Variants in ZHX3 observed in about 807,000 individuals in gnomAD.
The protein encoded by ZHX3 is zinc fingers and homeoboxes 3.
A neutral mutation model predicts 64.5 loss-of-function variants in ZHX3; 20 were observed. That is an observed-to-expected ratio of 0.31 (90% CI 0.22 to 0.45). The LOEUF (loss-of-function observed/expected upper bound fraction) is 0.45. ZHX3 is among the 20% of genes least tolerant of loss of function. ZHX3 has a pLI of 1.00. For synonymous variants in ZHX3, 423 were observed against 461.6 expected (o/e 0.92, Z 1.07); for missense variants, 1,041 against 1,195.8 (o/e 0.87, Z 1.91).
In ZHX3 at chr20:41,204,164, A is replaced by C. The variant is rs748502762; in HGVS notation, c.753T>G (p.His251Gln). The C allele has an allele frequency of 1.2e-6, 2 of 1,608,656 alleles. No homozygotes were observed. The highest frequency in any genetic ancestry group is 2.2e-5 in the East Asian group (1 of 44,826). The change falls in exon 3 of 4, where the codon CAT (histidine) becomes CAG (glutamine). Residue 251 changes from histidine to glutamine, a missense_variant. This residue lies in a region of ZHX3 where 358 missense variants were observed against 369.1 expected (regional missense o/e 0.97). Transcript: ENST00000683867. This position sits in a 1 kb window ranked among gnomAD's most constrained non-coding sequence, Gnocchi z 6.6. ...QASASSAKNP[H>Q]AANGPLIGTV... ...TTCCTATCAGGGGCCCGTTGGCGGCATGGGGGTTTTTTGCAGAGCTGGCAG... is the reference window on the plus strand; with the variant it reads ...TTCCTATCAGGGGCCCGTTGGCGGCCTGGGGGTTTTTTGCAGAGCTGGCAG...
At chr20:41,304,129 C>T (rs2044904885) in intron 1 of ZHX3, among the ~76,000 whole-genome samples, 1 of 152,206 alleles carries the variant, frequency 6.6e-6, no homozygotes. Flanking sequence ...GATCTTCCCC[C>T]TGTCTGTCTA....
intron 2 of ZHX3, among the ~76,000 whole-genome samples, chr20:41,257,818 A>G (rs1478609316): frequency 4.1e-5 from 6 of 145,260 alleles, no homozygotes; most frequent in Non-Finnish European, 8.9e-5. Context: ...TCACCATGCT[A>G]GCCAGGCTGG....
rs1472129363 is a variant in ZHX3 at position 41,180,305 on chromosome 20, A to G, written c.*4886T>C. Reference sequence around the variant, plus strand: ...TACCTATATGTTCTTTATCATCCTCAAAGTCCTGCGAACCCAAAGATAGAA... The same window carrying G: ...TACCTATATGTTCTTTATCATCCTCGAAGTCCTGCGAACCCAAAGATAGAA... On this transcript the variant is annotated 3_prime_UTR_variant, in exon 4 of 4. Coordinates refer to ENST00000683867, the MANE Select transcript of ZHX3 (RefSeq NM_001384317.1). 8 of 152,660 alleles carry G rather than the reference A, an allele frequency of 5.2e-5. No individual in the cohort carries two copies. Among genetic ancestry groups the G allele is most frequent in the African/African-American group, 1.9e-4 (8 of 41,454 alleles). The allele number at this position is 152,660 out of a possible 1,614,324, so 9.5% of individuals were successfully genotyped here. A position where few individuals can be genotyped will look rare whatever the true frequency, so the allele number is the denominator to read the frequency against.
chr20:41,210,376 T>C (rs2039065238), intron 2 of ZHX3, among the ~76,000 whole-genome samples: 1 of 152,226 alleles, frequency 6.6e-6, no homozygotes, highest in African/African-American at 2.4e-5. Flanking sequence ...TAAATCATGC[T>C]GCTATAAAGA....
intron 2 of ZHX3, among the ~76,000 whole-genome samples, chr20:41,214,058 G>C (rs538564711): frequency 6.6e-6 from 1 of 152,180 alleles, no homozygotes; most frequent in East Asian, 1.9e-4. Context: ...CAGGATGACA[G>C]AGCATGACCT....
At chr20:41,248,871 C>T (rs758607987) in intron 2 of ZHX3, among the ~76,000 whole-genome samples, 3 of 152,136 alleles carry the variant, frequency 2.0e-5, no homozygotes, top group Non-Finnish European at 4.4e-5. Flanking sequence ...TCCCCCCTGA[C>T]AGTGTTTTTG....
Position 41,202,320 on chromosome 20 carries a change from T to A in ZHX3, c.2597A>T (p.Gln866Leu). Reference protein sequence around the residue: ...THKMLYEEDLQNLCDKTQMSS... With the variant: ...THKMLYEEDLLNLCDKTQMSS... ...CATCTGGGTCTTGTCACAGAGGTTCTGCAGGTCCTCTTCATACAGCATCTT... is the reference window on the plus strand; with the variant it reads ...CATCTGGGTCTTGTCACAGAGGTTCAGCAGGTCCTCTTCATACAGCATCTT... The change falls in exon 3 of 4, where the codon CAG becomes CTG. Residue 866 changes from glutamine to leucine, a missense_variant. Coordinates refer to ENST00000683867, the MANE Select transcript of ZHX3 (RefSeq NM_001384317.1). The surrounding 1 kb of genome is among the most constrained non-coding windows in gnomAD (Gnocchi z 7.0). The A allele has an allele frequency of 6.2e-7, 1 of 1,614,212 alleles. No homozygotes were observed. Among genetic ancestry groups the A allele is most frequent in the Non-Finnish European group, 8.5e-7 (1 of 1,180,040 alleles).
chr20:41,214,525 T>A (rs982505058), intron 2 of ZHX3, among the ~76,000 whole-genome samples: 1 of 152,172 alleles, frequency 6.6e-6, no homozygotes, highest in Non-Finnish European at 1.5e-5. Context: ...CTTGAAGTAA[T>A]ATTTTCCTCC....
intron 2 of ZHX3, among the ~76,000 whole-genome samples, chr20:41,205,301 T>G (rs959513414): frequency 7.9e-5 from 12 of 152,280 alleles, no homozygotes; most frequent in South Asian, 4.1e-4. Flanking sequence ...GCAACGTATT[T>G]TTGTTTCTTC....
intron 2 of ZHX3, among the ~76,000 whole-genome samples, chr20:41,261,482 T>G (rs1182138758): frequency 1.3e-5 from 2 of 152,206 alleles, no homozygotes; most frequent in African/African-American, 4.8e-5. Context: ...GTGTGGGAAC[T>G]GAGCATGCTG....
rs56086714 is a variant in ZHX3 at position 41,266,547 on chromosome 20, C to CT, written c.-151+2442dup. Among the ~76,000 whole-genome samples the CT allele has an allele frequency of 6.0e-3, 848 of 140,716 alleles. 6 individuals are homozygous for CT. The highest frequency in any genetic ancestry group is 0.017 in the African/African-American group (669 of 38,274). 92.3% of individuals were successfully genotyped at this position (140,716 alleles called of 152,430 possible). ...TCTTTTTGTTAATCTCCCAATCTTTCTTTTTTTTTTTTTTTTTAGATGGAG... is the reference window on the plus strand; with the variant it reads ...TCTTTTTGTTAATCTCCCAATCTTTCTTTTTTTTTTTTTTTTTTAGATGGAG... On this transcript the variant is annotated intron_variant, in intron 2 of 3. Transcript: ENST00000683867.
In ZHX3 at chr20:41,178,521, G is replaced by C. The variant is rs1317598185; in HGVS notation, c.*6670C>G. The C allele has an allele frequency of 6.6e-6, 1 of 152,640 alleles. No homozygotes were observed. Among genetic ancestry groups the C allele is most frequent in the East Asian group, 1.9e-4 (1 of 5,202 alleles). 9.5% of individuals were successfully genotyped at this position (152,640 alleles called of 1,614,324 possible). ...GTACCATTGAGGCCCATTTCAAATTGTACAAGCAATTTGTCCGTGTTCCCC... is the reference window on the plus strand; with the variant it reads ...GTACCATTGAGGCCCATTTCAAATTCTACAAGCAATTTGTCCGTGTTCCCC... On this transcript the variant is annotated 3_prime_UTR_variant, in exon 4 of 4. Transcript: ENST00000683867.
At position 41,203,734 on chromosome 20, in the gene ZHX3, G is replaced by A. The variant is rs770001385; in HGVS notation, c.1183C>T (p.Leu395Phe). The change falls in exon 3 of 4, where the codon CTC (leucine) becomes TTC (phenylalanine). Residue 395 changes from leucine to phenylalanine, a missense_variant. Physicochemically the swap from Leu to Phe is conservative, Grantham distance 22. This residue lies in a region of ZHX3 where 649 missense variants were observed against 739.8 expected (regional missense o/e 0.88). Coordinates refer to ENST00000683867, the MANE Select transcript of ZHX3 (RefSeq NM_001384317.1). This position sits in a 1 kb window ranked among gnomAD's most constrained non-coding sequence, Gnocchi z 7.1. ...TGGACATTGCCAGCACTGGCGACGA[G>A]TGGGGTATTTAGAACCGTAATTGTG... The part of the protein sequence containing the change: ...QPTITVLNTP[L>F]VASAGNVQHL... The A allele has an allele frequency of 6.2e-7, 1 of 1,614,214 alleles. No homozygotes were observed. The highest frequency in any genetic ancestry group is 1.1e-5 in the South Asian group (1 of 91,086).
intron 1 of ZHX3, among the ~76,000 whole-genome samples, chr20:41,296,767 G>A (rs907730969): frequency 6.6e-6 from 1 of 152,180 alleles, no homozygotes; most frequent in African/African-American, 2.4e-5. Context: ...AGAGATCGGG[G>A]GAGGAAGGGA....
chr20:41,284,951 C>T (rs1047572592), intron 1 of ZHX3, among the ~76,000 whole-genome samples: 3 of 152,124 alleles, frequency 2.0e-5, no homozygotes, highest in African/African-American at 7.2e-5. Flanking sequence ...ATCTGGTACA[C>T]CTTTCTTCCT....
intron 2 of ZHX3, among the ~76,000 whole-genome samples, chr20:41,230,572 T>G (rs1161356383): frequency 6.6e-6 from 1 of 152,210 alleles, no homozygotes; most frequent in Non-Finnish European, 1.5e-5. Flanking sequence ...CAGACCAGAT[T>G]TCAAAGACTC....
intron 2 of ZHX3, among the ~76,000 whole-genome samples, chr20:41,209,313 T>A (rs2038975820): frequency 6.6e-6 from 1 of 152,170 alleles, no homozygotes; most frequent in Admixed American, 6.5e-5. Context: ...TACCAATGAC[T>A]TTCTTCACAG....
chr20:41,231,570 T>G (rs555274733), intron 2 of ZHX3, among the ~76,000 whole-genome samples: 136 of 152,224 alleles, frequency 8.9e-4, no homozygotes, highest in Non-Finnish European at 2.1e-4. Context: ...ATAATTTTTT[T>G]GTATGTGGCT....
chr20:41,279,937 T>TA (rs1212939057), intron 1 of ZHX3, among the ~76,000 whole-genome samples: 1 of 152,086 alleles, frequency 6.6e-6, no homozygotes, highest in Non-Finnish European at 1.5e-5. Context: ...GGAGAATAAT[T>TA]AGAGGCCTAT....
Sources: allele counts gnomAD v4.1 joint callset (sites outside exome capture counted in the v4.1 genomes callset), GRCh38; gene constraint gnomAD v4.1.1; regional missense constraint gnomAD v4.1.1; non-coding constraint Gnocchi (gnomAD v3.1); transcripts MANE v1.5; gene names NCBI Gene and HGNC (gene_info 2026-07-23, HGNC 2026-07-21).